Variants in WARS2 observed in about 807,000 individuals in gnomAD.
WARS2 encodes the protein tryptophanyl tRNA synthetase 2, mitochondrial.
WARS2 carries 28 observed loss-of-function variants against 36.5 expected under a neutral mutation model. The observed-to-expected ratio is 0.77, with a 90% confidence interval of 0.57 to 1.05. The LOEUF (loss-of-function observed/expected upper bound fraction) is 1.05, where lower values mean the gene tolerates loss of function less well. Ranked by LOEUF, WARS2 falls within the 50% of genes least tolerant of loss-of-function variation. WARS2 has a pLI of 0.00. For synonymous variants in WARS2, 174 were observed against 178.4 expected (o/e 0.98, Z 0.20); for missense variants, 435 against 456.8 (o/e 0.95, Z 0.44).
At chr1:119,043,499 C>T (rs1648541565) in intron 3 of WARS2, among the ~76,000 whole-genome samples, 1 of 152,168 alleles carries the variant, frequency 6.6e-6, no homozygotes, top group African/African-American at 2.4e-5. Flanking sequence ...TAGTTACAAA[C>T]TTAACTTTTC....
chr1:119,061,950 A>T (rs555437366), intron 2 of WARS2, among the ~76,000 whole-genome samples: 3 of 152,302 alleles, frequency 2.0e-5, no homozygotes, highest in African/African-American at 7.2e-5. Context: ...TAAATACCTG[A>T]GAGAAAGTAA....
At chr1:119,037,326 C>T (rs1416026548) in intron 4 of WARS2, among the ~76,000 whole-genome samples, 2 of 151,410 alleles carry the variant, frequency 1.3e-5, no homozygotes, top group East Asian at 3.9e-4. Flanking sequence ...GAGATCACCC[C>T]ACCCTTCTGG....
intron 1 of WARS2, among the ~76,000 whole-genome samples, chr1:119,116,764 C>A (rs752283681): frequency 2.6e-5 from 4 of 152,184 alleles, no homozygotes; most frequent in African/African-American, 9.7e-5. Context: ...CCATTCCTCG[C>A]GTTATCTCAC....
intron 1 of WARS2, among the ~76,000 whole-genome samples, chr1:119,139,481 A>G (rs1656777945): frequency 6.6e-6 from 1 of 152,216 alleles, no homozygotes; most frequent in African/African-American, 2.4e-5. Context: ...TAACGTGTCA[A>G]TCAGTCCAGC....
chr1:119,127,239 T>C, intron 1 of WARS2: 2 of 768,936 alleles, frequency 2.6e-6, no homozygotes, highest in Non-Finnish European at 4.5e-6. Context: ...CACTTTCTTC[T>C]TGGCTCCCTT....
chr1:119,100,821 A>G (rs1362851932), intron 1 of WARS2, among the ~76,000 whole-genome samples: 1 of 152,104 alleles, frequency 6.6e-6, no homozygotes, highest in Non-Finnish European at 1.5e-5. Context: ...TATTTGTTGT[A>G]GAGATGGGAT....
chr1:119,118,211 T>G (rs1335659022), intron 1 of WARS2, among the ~76,000 whole-genome samples: 12 of 152,028 alleles, frequency 7.9e-5, no homozygotes, highest in Admixed American at 7.2e-4. Flanking sequence ...AAGTTCCCAG[T>G]TAAATAGATA....
At chr1:119,123,098 C>T (rs1655433245) in intron 1 of WARS2, among the ~76,000 whole-genome samples, 1 of 152,102 alleles carries the variant, frequency 6.6e-6, no homozygotes, top group African/African-American at 2.4e-5. Context: ...CACACCCTTC[C>T]TCATCAAAAA....
At position 119,131,458 on chromosome 1, in the gene WARS2, G is replaced by GTTTTTTT. The variant is rs761800862; in HGVS notation, c.90+9096_90+9097insAAAAAAA. Among the ~76,000 whole-genome samples the GTTTTTTT allele has an allele frequency of 1.8e-4, 24 of 134,288 alleles. 3 individuals are homozygous for GTTTTTTT. The highest frequency in any genetic ancestry group is 3.5e-4 in the African/African-American group (12 of 34,130). 88.1% of individuals were successfully genotyped at this position (134,288 alleles called of 152,430 possible). Reference sequence around the variant, plus strand: ...GGATCCGGACTGTGCAAAGTTTTTTGTTTTTTGTTTTTTTTTTTTTTGAGA... The same window carrying GTTTTTTT: ...GGATCCGGACTGTGCAAAGTTTTTTGTTTTTTTTTTTTTGTTTTTTTTTTTTTTGAGA... On this transcript the variant is annotated intron_variant, in intron 1 of 5. Coordinates refer to ENST00000235521, the MANE Select transcript of WARS2 (RefSeq NM_015836.4).
intron 2 of WARS2, among the ~76,000 whole-genome samples, chr1:119,068,846 CACACACAT>C (rs1218012308): frequency 3.3e-5 from 4 of 121,830 alleles, no homozygotes; most frequent in Non-Finnish European, 6.8e-5. Context: ...CTCTCACACA[CACACACAT>C]ACACACACAC....
chr1:119,065,700 T>C (rs1389015416), intron 2 of WARS2, among the ~76,000 whole-genome samples: 4 of 150,306 alleles, frequency 2.7e-5, no homozygotes, highest in Non-Finnish European at 5.9e-5. Context: ...ATCAAAAGTA[T>C]ATCCTCTAAA....
chr1:119,033,779 T>C (rs1647649791), intron 5 of WARS2, among the ~76,000 whole-genome samples: 1 of 152,238 alleles, frequency 6.6e-6, no homozygotes, highest in African/African-American at 2.4e-5. Flanking sequence ...AACCCAATTA[T>C]AAGTCAAGAA....
rs139987234 is a variant in WARS2 at position 119,042,848 on chromosome 1, T to A, written c.430-499A>T. On this transcript the variant is annotated intron_variant, in intron 3 of 5. Coordinates refer to ENST00000235521, the MANE Select transcript of WARS2 (RefSeq NM_015836.4). ...TAAATAACAAAAAACAAAAAAGTCA[T>A]GGCATTTAAAAAATAAAAGTAAGTG... 3.9e-4 allele frequency among the ~76,000 whole-genome samples: 59 copies of A among 152,262 alleles called. No homozygotes were observed. The East Asian group carries it at 0.011, about 28-fold the overall frequency.
intron 2 of WARS2, among the ~76,000 whole-genome samples, chr1:119,046,998 C>T (rs1290810750): frequency 2.0e-5 from 3 of 152,258 alleles, no homozygotes; most frequent in African/African-American, 7.2e-5. Flanking sequence ...TTGTTTTTCA[C>T]GTGTTTGATA....
intron 1 of WARS2, among the ~76,000 whole-genome samples, chr1:119,098,165 C>T (rs929533685): frequency 5.9e-5 from 9 of 152,022 alleles, no homozygotes; most frequent in African/African-American, 2.2e-4. Context: ...AGAAGAATCG[C>T]TTGAACCCAG....
intron 2 of WARS2, among the ~76,000 whole-genome samples, chr1:119,056,192 T>TC (rs1287472700): frequency 6.8e-6 from 1 of 147,948 alleles, no homozygotes; most frequent in Non-Finnish European, 1.5e-5. Flanking sequence ...GCTAATTTTT[T>TC]TTTTTTTTTT....
At chr1:119,061,389 A>C (rs902926163) in intron 2 of WARS2, among the ~76,000 whole-genome samples, 1 of 152,198 alleles carries the variant, frequency 6.6e-6, no homozygotes, top group Non-Finnish European at 1.5e-5. Context: ...AGGGCCAATA[A>C]AGATACTAGA....
chr1:119,036,862 CT>C (rs1647929277), intron 4 of WARS2, among the ~76,000 whole-genome samples: 1 of 152,118 alleles, frequency 6.6e-6, no homozygotes, highest in South Asian at 2.1e-4. Flanking sequence ...GCTTTTTCAT[CT>C]GATTTTAGTG....
At chr1:119,074,507 T>C (rs911860079) in intron 2 of WARS2, among the ~76,000 whole-genome samples, 2 of 152,230 alleles carry the variant, frequency 1.3e-5, no homozygotes, top group Admixed American at 6.5e-5. Flanking sequence ...TGTCCAACGC[T>C]GAATTTGAAA....
Sources: gnomAD v4.1 joint callset for allele counts (sites outside exome capture counted in the v4.1 genomes callset) on GRCh38, gnomAD v4.1.1 for gene constraint, MANE v1.5 for transcripts, NCBI Gene and HGNC (gene_info 2026-07-23, HGNC 2026-07-21) for gene names.